Variants in ZNF699 observed in about 807,000 individuals in gnomAD.
The protein encoded by ZNF699 is zinc finger protein 699.
ZNF699 carries 18 observed loss-of-function variants against 22.5 expected under a neutral mutation model. The observed-to-expected ratio is 0.80, with a 90% CI of 0.55 to 1.19. ZNF699 has a LOEUF of 1.19. Ranked by LOEUF, ZNF699 falls within the 50% of genes most tolerant of loss-of-function variation. The pLI is 0.00. For missense variants in ZNF699, 670 were observed against 763.4 expected (o/e 0.88, Z 1.44); for synonymous variants, 241 against 262.3 (o/e 0.92, Z 0.78).
rs142715890 is a variant in ZNF699 at position 9,293,187 on chromosome 19, C to CAA, written c.*2286_*2287dup. On this transcript the variant is annotated 3_prime_UTR_variant, in exon 6 of 6. Transcript: ENST00000591998. ...GATGAAATGTTTCAACAGGTGCCCT[C>CAA]AAAAAAAAAAAAAATCCAAATAGCC... Among the ~76,000 whole-genome samples, 24 of 129,440 alleles carry CAA rather than the reference C, an allele frequency of 1.9e-4. No homozygotes were observed. Among genetic ancestry groups the CAA allele is most frequent in the African/African-American group, 6.3e-4 (23 of 36,336 alleles). The allele number at this position is 129,440 out of a possible 152,430, so 84.9% of individuals were successfully genotyped here. A position where few individuals can be genotyped will look rare whatever the true frequency, so the allele number is the denominator to read the frequency against.
intron 3 of ZNF699, among the ~76,000 whole-genome samples, chr19:9,300,131 A>AGT (rs1486123317): frequency 8.5e-5 from 13 of 152,170 alleles, no homozygotes; most frequent in Admixed American, 4.6e-4. Context: ...CCCAGGCTGG[A>AGT]GTGCAGTGGT....
chr19:9,305,195 A>G, intron 1 of ZNF699, 71 bp from the exon 2 acceptor site: 2 of 1,341,842 alleles, frequency 1.5e-6, no homozygotes, highest in Non-Finnish European at 2.1e-6. Flanking sequence ...AGACCTCCCC[A>G]AAATTCCCAC....
In ZNF699 at chr19:9,295,971, T is replaced by G; in HGVS notation, c.1433A>C (p.Lys478Thr). 6.2e-7 allele frequency: 1 copy of G among 1,614,066 alleles called. No homozygotes were observed. The highest frequency in any genetic ancestry group is 2.2e-5 in the East Asian group (1 of 44,846). Residue 478 changes from lysine (K) to threonine (T), a missense_variant, in exon 6 of 6, where the codon AAG becomes ACG. Physicochemically the swap from Lys to Thr is moderately conservative, Grantham distance 78 (BLOSUM62 -1). Transcript: ENST00000591998. ...ACGACTAAAGGTCTTCCCACACTCC[T>G]TACATTCATACTGTATCTTTCCAGT... is the stretch of plus-strand genomic sequence containing the variant. ...DHTGKIQYEC[K>T]ECGKTFSRSS...
At chr19:9,308,595 C>T (rs1258661262) in intron 1 of ZNF699, among the ~76,000 whole-genome samples, 2 of 152,014 alleles carry the variant, frequency 1.3e-5, no homozygotes, top group African/African-American at 2.4e-5. Context: ...CGAGACCTGC[C>T]CGGGCAACAG....
At position 9,298,370 on chromosome 19, in the gene ZNF699, C is replaced by T. The variant is rs564758915; in HGVS notation, c.176-380G>A. On this transcript the variant is annotated intron_variant, in intron 3 of 5. Transcript: ENST00000591998. ...CTGAGGCAGGAGAATTGCTTGAACCCGGGAGGCGGAGGTTGCAGTGAGCTG... is the reference window on the plus strand; with the variant it reads ...CTGAGGCAGGAGAATTGCTTGAACCTGGGAGGCGGAGGTTGCAGTGAGCTG... Among the ~76,000 whole-genome samples, 5 of 150,556 alleles carry T rather than the reference C, an allele frequency of 3.3e-5. 1 individual carries two copies. The South Asian group carries it at 8.4e-4, about 25-fold the overall frequency.
At chr19:9,307,903 C>T (rs1243109934) in intron 1 of ZNF699, among the ~76,000 whole-genome samples, 1 of 149,566 alleles carries the variant, frequency 6.7e-6, no homozygotes, top group Non-Finnish European at 1.5e-5. Flanking sequence ...GCCAAGATCA[C>T]GCCACTGCAC....
At chr19:9,306,168 TG>T (rs1163604126) in intron 1 of ZNF699, among the ~76,000 whole-genome samples, 2 of 151,844 alleles carry the variant, frequency 1.3e-5, no homozygotes, top group Non-Finnish European at 2.9e-5. Flanking sequence ...CCGAGGTGGA[TG>T]GATCACGAGG....
intron 3 of ZNF699, among the ~76,000 whole-genome samples, chr19:9,301,758 CA>C (rs2066307995): frequency 6.6e-6 from 1 of 152,142 alleles, no homozygotes. Flanking sequence ...GTAAAATCCT[CA>C]AAATGTTCAA....
Position 9,295,834 on chromosome 19 carries a change from T to A in ZNF699, c.1570A>T (p.Thr524Ser). Residue 524 changes from threonine (T) to serine (S), a missense_variant, in exon 6 of 6, where the codon ACT (threonine) becomes TCT (serine). Physicochemically the swap from Thr to Ser is moderately conservative, Grantham distance 58. Transcript: ENST00000591998. The stretch of plus-strand genomic sequence containing the variant: ...TCATAGGGTTTCTCTCCAGTGTGAG[T>A]TCTGATATGTACTGTAAGGTGGGAG... The part of the protein sequence containing the change: ...SSSHLTVHIR[T>S]HTGEKPYECK... The A allele has an allele frequency of 6.2e-7, 1 of 1,614,190 alleles. No homozygotes were observed. The highest frequency in any genetic ancestry group is 1.1e-5 in the South Asian group (1 of 91,084).
In ZNF699 at chr19:9,292,601, T is replaced by A. The variant is rs1028014451; in HGVS notation, c.*2874A>T. Among the ~76,000 whole-genome samples the A allele has an allele frequency of 6.6e-6, 1 of 152,106 alleles. No individual in the cohort carries two copies. The highest frequency in any genetic ancestry group is 2.4e-5 in the African/African-American group (1 of 41,390). On this transcript the variant is annotated 3_prime_UTR_variant, in exon 6 of 6. Coordinates refer to ENST00000591998, the MANE Select transcript of ZNF699 (RefSeq NM_198535.3). ...CTGAAGCTCGTTATACCCAAGGACT[T>A]TTTAGTAATAAATTATTTAAACCAA...
At chr19:9,308,833 G>T (rs1223366656) in intron 1 of ZNF699, among the ~76,000 whole-genome samples, 4 of 152,150 alleles carry the variant, frequency 2.6e-5, no homozygotes, top group African/African-American at 9.7e-5. Flanking sequence ...GGAATAAAAA[G>T]GGAAAAGATT....
chr19:9,300,754 CAGAA>C (rs1404451204), intron 3 of ZNF699, among the ~76,000 whole-genome samples: 1 of 152,100 alleles, frequency 6.6e-6, no homozygotes, highest in Non-Finnish European at 1.5e-5. Context: ...ATTATGGAGA[CAGAA>C]AGATCAGTAG....
At chr19:9,302,289 T>C (rs2066310404) in intron 3 of ZNF699, 89 bp downstream of exon 3, 1 of 1,498,074 alleles carries the variant, frequency 6.7e-7, no homozygotes, top group Non-Finnish European at 9.2e-7. Context: ...TGTCTTCCCA[T>C]TCCTCAGCCC....
chr19:9,297,362 C>T lies in ZNF699; in HGVS notation c.404G>A (p.Ser135Asn), dbSNP rs1245798420. The change falls in exon 5 of 6, where the codon AGT (serine) becomes AAT (asparagine). Residue 135 changes from serine to asparagine, a missense_variant. Transcript: ENST00000591998. This position sits in a 1 kb window ranked among gnomAD's most constrained non-coding sequence, Gnocchi z 4.3. ...RFKRNDSWFS[S>N]LHENQESCGI... is the part of the protein sequence containing the mutation. Reference sequence around the variant, plus strand: ...ACAGGACTCCTGGTTTTCATGTAAACTGGAGAACCAGGAATCATTCCTTTT... The same window carrying T: ...ACAGGACTCCTGGTTTTCATGTAAATTGGAGAACCAGGAATCATTCCTTTT... The T allele has an allele frequency of 7.5e-6, 12 of 1,602,556 alleles. No individual in the cohort carries two copies. Among genetic ancestry groups the T allele is most frequent in the Non-Finnish European group, 9.3e-6 (11 of 1,178,114 alleles).
Position 9,296,395 on chromosome 19 carries a change from A to G in ZNF699, c.1009T>C (p.Cys337Arg). ...RIHSGDKPYE[C>R]KECGKAFSSS... Reference sequence around the variant, plus strand: ...CTAAAGGCCTTCCCACATTCCTTACATTCATATGGCTTATCTCCACTGTGA... The same window carrying G: ...CTAAAGGCCTTCCCACATTCCTTACGTTCATATGGCTTATCTCCACTGTGA... The change falls in exon 6 of 6, where the codon TGT becomes CGT. Residue 337 changes from cysteine (C) to arginine (R), a missense_variant. Physicochemically the swap from Cys to Arg is radical, Grantham distance 180. Coordinates refer to ENST00000591998, the MANE Select transcript of ZNF699 (RefSeq NM_198535.3). The G allele has an allele frequency of 6.2e-7, 1 of 1,614,102 alleles. No individual in the cohort carries two copies. Among genetic ancestry groups the G allele is most frequent in the Non-Finnish European group, 8.5e-7 (1 of 1,179,986 alleles).
chr19:9,296,435 G>C lies in ZNF699; in HGVS notation c.969C>G (p.Ser323=). 6.2e-7 allele frequency: 1 copy of C among 1,601,290 alleles called. No homozygotes were observed. The highest frequency in any genetic ancestry group is 8.5e-7 in the Non-Finnish European group (1 of 1,175,384). ...GKAFSCSSSL[S]KHKRIHSGDK... is the part of the protein sequence containing the mutation. ...CTCCACTGTGAATTCTTTTGTGTTT[G>C]GAGAGTGAGGAGGAACAACTGAAGG... Residue 323 remains serine, a synonymous_variant, in exon 6 of 6, where the codon TCC becomes TCG. Transcript: ENST00000591998.
intron 2 of ZNF699, among the ~76,000 whole-genome samples, chr19:9,304,840 T>C (rs1460972438): frequency 6.6e-6 from 1 of 151,166 alleles, no homozygotes; most frequent in Non-Finnish European, 1.5e-5. Context: ...GGAGAATCGG[T>C]TGAACCAGGG....
rs769482361 is a variant in ZNF699, at chr19:9,296,739, G to T, written c.665C>A (p.Pro222His). 6.8e-6 allele frequency: 11 copies of T among 1,614,062 alleles called. No individual in the cohort carries two copies. In the Middle Eastern group the frequency reaches 6.6e-4, roughly 97 times the overall value. Residue 222 changes from proline (P) to histidine (H), a missense_variant, in exon 6 of 6, where the codon CCC becomes CAC. Transcript: ENST00000591998. ...CTTCCCACATTCCTTGCACTGATAG[G>T]GTTTGCTTCCAGTATGAGACCTGAT... is the stretch of plus-strand genomic sequence containing the variant. ...SHIRSHTGSK[P>H]YQCKECGKAF...
intron 3 of ZNF699, among the ~76,000 whole-genome samples, chr19:9,298,835 A>G (rs759734592): frequency 6.6e-6 from 1 of 152,226 alleles, no homozygotes; most frequent in Non-Finnish European, 1.5e-5. Context: ...TTATGTTCAA[A>G]TGGATCAACA....
Sources: gnomAD v4.1 joint callset for allele counts (sites outside exome capture counted in the v4.1 genomes callset) on GRCh38, gnomAD v4.1.1 for gene constraint, Gnocchi (gnomAD v3.1) non-coding constraint, MANE v1.5 for transcripts, NCBI Gene and HGNC (gene_info 2026-07-23, HGNC 2026-07-21) for gene names.